Variants in BBS7 observed in about 807,000 individuals in gnomAD.
BBS7 encodes the protein Bardet-Biedl syndrome 7, also known as BBSome complex member BBS7.
Under a neutral mutation model 90.3 loss-of-function variants are expected in BBS7, and 50 were observed. The observed-to-expected ratio is 0.55, with a 90% CI of 0.44 to 0.70. The LOEUF (loss-of-function observed/expected upper bound fraction) is 0.70, where lower values mean the gene tolerates loss of function less well. Ranked by LOEUF, BBS7 falls within the 30% of genes least tolerant of loss-of-function variation. The pLI is 0.00. For synonymous variants in BBS7, 235 were observed against 287.4 expected (o/e 0.82, Z 1.85); for missense variants, 729 against 838.9 (o/e 0.87, Z 1.62).
At chr4:121,859,205 A>T (rs1214230239) in intron 4 of BBS7, 27 bp from the exon 5 acceptor site, 9 of 1,600,868 alleles carry the variant, frequency 5.6e-6, no homozygotes, top group Admixed American at 3.3e-5. Flanking sequence ...AGTAATTTTT[A>T]AAAATAAGCA....
Position 121,854,713 on chromosome 4 carries a change from T to G in BBS7, c.709A>C (p.Lys237Gln). 6.2e-7 allele frequency: 1 copy of G among 1,611,748 alleles called. No individual in the cohort carries two copies. The highest frequency in any genetic ancestry group is 8.5e-7 in the Non-Finnish European group (1 of 1,178,592). ...TACATGAAAAGCATACCTCCTCTCTTTTTCTCATTTTGAATTTCCCACTTG... is the reference window on the plus strand; with the variant it reads ...TACATGAAAAGCATACCTCCTCTCTGTTTCTCATTTTGAATTTCCCACTTG... ...VRKWEIQNEKKRGGILCIDSF... is the reference protein window; with the variant it reads ...VRKWEIQNEKQRGGILCIDSF... The change falls in exon 7 of 19, where the codon AAG becomes CAG. Residue 237 changes from lysine to glutamine, a missense_variant. By Grantham distance (53) the Lys-to-Gln change is moderately conservative. Coordinates refer to ENST00000264499, the MANE Select transcript of BBS7 (RefSeq NM_176824.3).
chr4:121,834,772 GA>G (rs1180648445), intron 14 of BBS7, among the ~76,000 whole-genome samples: 2 of 152,078 alleles, frequency 1.3e-5, no homozygotes, highest in Non-Finnish European at 2.9e-5. Flanking sequence ...TCTTTATCCT[GA>G]GAAGAAATAT....
intron 12 of BBS7, among the ~76,000 whole-genome samples, chr4:121,843,212 T>A (rs962495826): frequency 2.0e-5 from 3 of 152,152 alleles, no homozygotes; most frequent in Admixed American, 2.0e-4. Flanking sequence ...GAATCTATAT[T>A]TATATCTAGC....
chr4:121,848,528 G>T (rs774855031), intron 9 of BBS7, among the ~76,000 whole-genome samples: 20 of 152,162 alleles, frequency 1.3e-4, no homozygotes, highest in Non-Finnish European at 2.4e-4. Context: ...GGACCCGAAA[G>T]CACAAGAGTA....
chr4:121,832,152 G>A (rs567802243), intron 15 of BBS7, among the ~76,000 whole-genome samples: 1 of 152,038 alleles, frequency 6.6e-6, no homozygotes, highest in East Asian at 1.9e-4. Context: ...AGACCAGCTT[G>A]ACCAACATGG....
At chr4:121,839,794 C>A in intron 12 of BBS7, 98 bp from the exon 13 acceptor site, 2 of 1,055,714 alleles carry the variant, frequency 1.9e-6, no homozygotes, top group Non-Finnish European at 2.9e-6. Flanking sequence ...TGCTTAAGCA[C>A]CTGTCATTGG....
chr4:121,867,712 C>T (rs918123921), intron 2 of BBS7, among the ~76,000 whole-genome samples: 1 of 152,050 alleles, frequency 6.6e-6, no homozygotes, highest in Non-Finnish European at 1.5e-5. Context: ...TTTCTTTTTT[C>T]ATATACACAT....
At chr4:121,849,550 T>C (rs1726199761) in intron 8 of BBS7, among the ~76,000 whole-genome samples, 1 of 150,810 alleles carries the variant, frequency 6.6e-6, no homozygotes, top group East Asian at 2.0e-4. Flanking sequence ...TAAGCAAGGC[T>C]GGGCGCGGTG....
intron 5 of BBS7, among the ~76,000 whole-genome samples, chr4:121,856,599 C>G (rs955029136): frequency 6.6e-6 from 1 of 151,882 alleles, no homozygotes; most frequent in South Asian, 2.1e-4. Context: ...GTAATCCCAG[C>G]TACTCAGGAG....
rs1342390151 is a variant in BBS7 at position 121,870,349 on chromosome 4, A to T, written c.-36T>A. The T allele has an allele frequency of 8.7e-6, 14 of 1,613,834 alleles. No homozygotes were observed. The highest frequency in any genetic ancestry group is 1.2e-5 in the Non-Finnish European group (14 of 1,179,724). On this transcript the variant is annotated 5_prime_UTR_variant, in exon 1 of 19. In the 5' UTR this introduces an upstream ATG that the reference lacks. Coordinates refer to ENST00000264499, the MANE Select transcript of BBS7 (RefSeq NM_176824.3). ...CGGAGGGGCTAAGCAGCGCCGGACA[A>T]GAACAGGAGGGACAGAGGCTTCGGG...
Position 121,848,854 on chromosome 4 carries a change from G to A in BBS7, c.924C>T (p.Ser308=). The A allele has an allele frequency of 1.2e-6, 2 of 1,612,866 alleles. No homozygotes were observed. Among genetic ancestry groups the A allele is most frequent in the Non-Finnish European group, 1.7e-6 (2 of 1,179,320 alleles). ...GKDSYDEIVV[S]TYSGWVTGLT... is the part of the protein sequence containing the mutation. ...TATCATTTACTTTACCTGAATATGT[G>A]GACACCACGATTTCATCATAGCTGT... is the stretch of plus-strand genomic sequence containing the variant. Residue 308 remains serine (S), a synonymous_variant, in exon 9 of 19, where the codon TCC becomes TCT. Coordinates refer to ENST00000264499, the MANE Select transcript of BBS7 (RefSeq NM_176824.3).
At chr4:121,866,387 T>C (rs1378371837) in intron 2 of BBS7, among the ~76,000 whole-genome samples, 1 of 152,124 alleles carries the variant, frequency 6.6e-6, no homozygotes, top group Non-Finnish European at 1.5e-5. Flanking sequence ...CTTCCTCTCC[T>C]GAGTAGCTGG....
chr4:121,849,499 C>T (rs1400471337), intron 8 of BBS7, among the ~76,000 whole-genome samples: 2 of 152,186 alleles, frequency 1.3e-5, no homozygotes, highest in African/African-American at 4.8e-5. Flanking sequence ...CAGCGCCCCG[C>T]CAGTTTATTT....
Position 121,835,295 on chromosome 4 carries a change from CAA to C in BBS7, c.1372-14_1372-13del, listed in dbSNP as rs1725398231. ...TCAATTGAGCGAATCTGATTCAACA[CAA>C]AAGAGGAAATAAAATAAGAATATTT... On this transcript the variant is annotated splice_polypyrimidine_tract_variant and intron_variant, in intron 13 of 18. Transcript: ENST00000264499. 6.2e-7 allele frequency: 1 copy of C among 1,613,056 alleles called. No individual in the cohort carries two copies. The highest frequency in any genetic ancestry group is 1.3e-5 in the African/African-American group (1 of 74,898).
chr4:121,832,004 AC>A (rs371609105), intron 15 of BBS7, among the ~76,000 whole-genome samples: 16 of 122,242 alleles, frequency 1.3e-4, no homozygotes, highest in Middle Eastern at 4.3e-3. Flanking sequence ...AGCAAAAAAA[AC>A]AAAAACACAC....
At chr4:121,847,537 T>C in intron 9 of BBS7, 31 bp from the exon 10 acceptor site, 1 of 1,415,482 alleles carries the variant, frequency 7.1e-7, no homozygotes, top group Non-Finnish European at 1.0e-6. Context: ...CACGCACCAC[T>C]TAGTACTGCT....
intron 2 of BBS7, 37 bp downstream of exon 2, chr4:121,867,944 C>T (rs929402015): frequency 6.5e-7 from 1 of 1,533,454 alleles, no homozygotes; most frequent in Non-Finnish European, 9.0e-7. Context: ...TCTGTCACTG[C>T]TAGGGAATAG....
chr4:121,843,381 A>G (rs1209130476), intron 12 of BBS7, among the ~76,000 whole-genome samples: 1 of 152,198 alleles, frequency 6.6e-6, no homozygotes, highest in Non-Finnish European at 1.5e-5. Flanking sequence ...AGTTCAAGCA[A>G]GACATGATAA....
At chr4:121,847,829 G>C (rs967601716) in intron 9 of BBS7, among the ~76,000 whole-genome samples, 1 of 151,978 alleles carries the variant, frequency 6.6e-6, no homozygotes, top group South Asian at 2.1e-4. Flanking sequence ...AAAAATAGCT[G>C]AAAAATAAGA....
Sources: gnomAD v4.1 joint callset for allele counts (sites outside exome capture counted in the v4.1 genomes callset) on GRCh38, gnomAD v4.1.1 for gene constraint, MANE v1.5 for transcripts, NCBI Gene and HGNC (gene_info 2026-07-23, HGNC 2026-07-21) for gene names.